Variants in ATP13A3 observed in about 807,000 individuals in gnomAD.
The protein encoded by ATP13A3 is polyamine-transporting ATPase 13A3.
Under a neutral mutation model 158.1 loss-of-function variants are expected in ATP13A3, and 59 were observed. The observed-to-expected ratio is 0.37, with a 90% CI of 0.30 to 0.46. The LOEUF (loss-of-function observed/expected upper bound fraction) is 0.46. Among genes scored for constraint, ATP13A3 ranks in the 20% least tolerant of loss-of-function variants. The pLI is 1.00. For missense variants in ATP13A3, 1,166 were observed against 1,525.2 expected, an observed-to-expected ratio of 0.76 and a Z score of 3.92; for synonymous variants, 491 against 504.3, an observed-to-expected ratio of 0.97 and a Z score of 0.35.
At chr3:194,424,906 GC>G (rs1052649234) in intron 30 of ATP13A3, among the ~76,000 whole-genome samples, 5 of 152,232 alleles carry the variant, frequency 3.3e-5, no homozygotes, top group African/African-American at 9.6e-5. Flanking sequence ...TGCGCAGACC[GC>G]CCGGGAGGAA....
intron 33 of ATP13A3, among the ~76,000 whole-genome samples, chr3:194,410,339 G>A (rs2108717322): frequency 8.2e-6 from 1 of 121,696 alleles, no homozygotes; most frequent in South Asian, 2.7e-4. Flanking sequence ...AAACTGCTGG[G>A]CCTGGGATGG....
In ATP13A3 at chr3:194,474,614, T is replaced by C. The variant is rs573701014; in HGVS notation, c.-47+11180A>G. Among the ~76,000 whole-genome samples the C allele has an allele frequency of 7.9e-5, 12 of 152,318 alleles. No individual in the cohort carries two copies. The East Asian group carries it at 2.3e-3, about 29-fold the overall frequency. On this transcript the variant is annotated intron_variant, in intron 2 of 33. Coordinates refer to ENST00000645319, the MANE Select transcript of ATP13A3 (RefSeq NM_001367549.1). ...TTAAGGTAAAGTTTTTGTTGAGTAA[T>C]ATGTAAATTAATGTCTTCCATTATA...
chr3:194,432,186 ACCTGG>A (rs1717274220), intron 21 of ATP13A3, among the ~76,000 whole-genome samples: 1 of 152,258 alleles, frequency 6.6e-6, no homozygotes, highest in South Asian at 2.1e-4. Flanking sequence ...TCTACACAAT[ACCTGG>A]CACGGTGCTA....
chr3:194,456,699 T>C (rs1217030562), intron 7 of ATP13A3, among the ~76,000 whole-genome samples: 1 of 152,156 alleles, frequency 6.6e-6, no homozygotes, highest in African/African-American at 2.4e-5. Flanking sequence ...AACTCATGCT[T>C]GTATTTCAGA....
At position 194,454,701 on chromosome 3, in the gene ATP13A3, C is replaced by T. The variant is rs894346623; in HGVS notation, c.631-309G>A. 4.6e-5 allele frequency among the ~76,000 whole-genome samples: 7 copies of T among 152,096 alleles called. No homozygotes were observed. In the East Asian group the frequency reaches 7.7e-4, roughly 17 times the overall value. On this transcript the variant is annotated intron_variant, in intron 8 of 33. Transcript: ENST00000645319. ...AAAGTTAGCTGGGCATGGTGGCAGG[C>T]GCCTGTAGTCCCAGCTACTCAGGAG...
In ATP13A3 at chr3:194,441,419, T is replaced by A; in HGVS notation, c.1602A>T (p.Val534=). 6.2e-7 allele frequency: 1 copy of A among 1,613,746 alleles called. No individual in the cohort carries two copies. The highest frequency in any genetic ancestry group is 1.3e-5 in the African/African-American group (1 of 75,040). Residue 534 remains valine, a synonymous_variant, in exon 16 of 34, where the codon GTA becomes GTT. Coordinates refer to ENST00000645319, the MANE Select transcript of ATP13A3 (RefSeq NM_001367549.1). ...PEENVCNEML[V]KSQFVACMAT... Reference sequence around the variant, plus strand: ...CCATACAAGCAACAAACTGGGATTTTACCAACATCTCATTGCACACATTTT... The same window carrying A: ...CCATACAAGCAACAAACTGGGATTTAACCAACATCTCATTGCACACATTTT...
At chr3:194,412,127 A>G (rs1715483563) in intron 33 of ATP13A3, 72 bp downstream of exon 33, 1 of 1,199,602 alleles carries the variant, frequency 8.3e-7, no homozygotes, top group Non-Finnish European at 1.2e-6. Flanking sequence ...AGAACACGCT[A>G]GAGAATACAG....
chr3:194,421,813 G>A lies in ATP13A3; in HGVS notation c.3314-1846C>T, dbSNP rs78967870. ...ATGGTCAGAACATAAATGGCAGAGA[G>A]AAACACGGAGACTAAAAAAGAAATT... On this transcript the variant is annotated intron_variant, in intron 30 of 33. Coordinates refer to ENST00000645319, the MANE Select transcript of ATP13A3 (RefSeq NM_001367549.1). Among the ~76,000 whole-genome samples, 266 of 151,954 alleles carry A rather than the reference G, an allele frequency of 1.8e-3. 1 individual carries two copies. The East Asian group carries it at 0.022, about 13-fold the overall frequency.
chr3:194,409,231 T>C (rs1715173197), intron 33 of ATP13A3, among the ~76,000 whole-genome samples: 1 of 152,218 alleles, frequency 6.6e-6, no homozygotes, highest in Non-Finnish European at 1.5e-5. Flanking sequence ...AATGCCATGC[T>C]TGAAGGAAAA....
intron 32 of ATP13A3, 93 bp downstream of exon 32, chr3:194,413,666 C>A: frequency 1.8e-6 from 2 of 1,126,256 alleles, no homozygotes; most frequent in Non-Finnish European, 2.7e-6. Flanking sequence ...TGTGGCTTTC[C>A]ATTATATTAC....
At chr3:194,472,048 G>A (rs1720330995) in intron 2 of ATP13A3, 1 of 152,262 alleles carries the variant, frequency 6.6e-6, no homozygotes, top group South Asian at 2.1e-4. Context: ...GATTGCTGCA[G>A]GCAACCAACA....
intron 11 of ATP13A3, among the ~76,000 whole-genome samples, chr3:194,449,700 C>CA (rs71179361): frequency 0.21 from 31,545 of 147,736 alleles, 3,643 homozygotes; most frequent in African/African-American, 0.32. Context: ...AAAAAAAAAA[C>CA]AAAAAAAAAA....
intron 32 of ATP13A3, among the ~76,000 whole-genome samples, chr3:194,413,315 T>C (rs951470669): frequency 6.6e-6 from 1 of 152,208 alleles, no homozygotes; most frequent in Non-Finnish European, 1.5e-5. Context: ...ATTTTATACT[T>C]TCATTAAACT....
Position 194,403,847 on chromosome 3 carries a change from C to T in ATP13A3, c.*2072G>A, listed in dbSNP as rs1714765381. 7.8e-6 allele frequency: 2 copies of T among 255,800 alleles called. No individual in the cohort carries two copies. Among genetic ancestry groups the T allele is most frequent in the Non-Finnish European group, 1.5e-5 (2 of 130,208 alleles). The allele number at this position is 255,800 out of a possible 1,614,324, so 15.8% of individuals were successfully genotyped here. On this transcript the variant is annotated 3_prime_UTR_variant, in exon 34 of 34. Coordinates refer to ENST00000645319, the MANE Select transcript of ATP13A3 (RefSeq NM_001367549.1). The stretch of plus-strand genomic sequence containing the variant: ...AAATGCTTTTCCAGCCACCTAAACA[C>T]CTCATTCCTTTGAAAACAATATGGA...
intron 21 of ATP13A3, 116 bp from the exon 22 acceptor site, chr3:194,432,008 TA>T: frequency 3.8e-6 from 3 of 798,344 alleles, no homozygotes; most frequent in South Asian, 3.3e-5. Flanking sequence ...AGAGTAACGA[TA>T]ATGTATGGTT....
At chr3:194,490,141 G>T (rs1429625425), upstream of ATP13A3, among the ~76,000 whole-genome samples, 1 of 152,086 alleles carries the variant, frequency 6.6e-6, no homozygotes, top group Non-Finnish European at 1.5e-5. The surrounding 1 kb of genome is among the most constrained non-coding windows in gnomAD (Gnocchi z 4.4). Flanking sequence ...CCCTCTCACT[G>T]TCCCCTTACT....
chr3:194,441,416 T>G lies in ATP13A3; in HGVS notation c.1605A>C (p.Lys535Asn). The G allele has an allele frequency of 1.2e-6, 2 of 1,613,580 alleles. No individual in the cohort carries two copies. The highest frequency in any genetic ancestry group is 1.7e-6 in the Non-Finnish European group (2 of 1,179,570). Residue 535 changes from lysine to asparagine, a missense_variant, in exon 16 of 34, where the codon AAA becomes AAC. Coordinates refer to ENST00000645319, the MANE Select transcript of ATP13A3 (RefSeq NM_001367549.1). Reference sequence around the variant, plus strand: ...TAGCCATACAAGCAACAAACTGGGATTTTACCAACATCTCATTGCACACAT... The same window carrying G: ...TAGCCATACAAGCAACAAACTGGGAGTTTACCAACATCTCATTGCACACAT... The part of the protein sequence containing the change: ...EENVCNEMLV[K>N]SQFVACMATC...
chr3:194,476,766 G>GTTTTTTTT (rs367780103), intron 2 of ATP13A3, among the ~76,000 whole-genome samples: 1 of 128,696 alleles, frequency 7.8e-6, no homozygotes. Context: ...GTAAGTTGTT[G>GTTTTTTTT]TTTTTTTTTT....
intron 2 of ATP13A3, among the ~76,000 whole-genome samples, chr3:194,478,118 T>G (rs1219146079): frequency 6.6e-6 from 1 of 152,164 alleles, no homozygotes; most frequent in African/African-American, 2.4e-5. Context: ...CAGATAAATC[T>G]GTAAATATTA....
Sources: allele counts gnomAD v4.1 joint callset (sites outside exome capture counted in the v4.1 genomes callset), GRCh38; gene constraint gnomAD v4.1.1; non-coding constraint Gnocchi (gnomAD v3.1); transcripts MANE v1.5; gene names NCBI Gene and HGNC (gene_info 2026-07-23, HGNC 2026-07-21).